Variants in CEP128 observed in about 807,000 individuals in gnomAD.
CEP128 encodes centrosomal protein 128, also known as centrosomal protein 128kDa.
A neutral mutation model predicts 156.7 loss-of-function variants in CEP128; 132 were observed. That is an observed-to-expected ratio of 0.84 (90% CI 0.73 to 0.97). The LOEUF is 0.97. CEP128 is among the 50% of genes least tolerant of loss of function. CEP128 has a pLI of 0.00. For missense variants in CEP128, 1,252 were observed against 1,281.9 expected, an observed-to-expected ratio of 0.98 and a Z score of 0.36; for synonymous variants, 469 against 448.9, an observed-to-expected ratio of 1.04 and a Z score of -0.57.
intron 23 of CEP128, among the ~76,000 whole-genome samples, chr14:80,521,218 T>C (rs190421134): frequency 2.6e-5 from 4 of 152,194 alleles, no homozygotes; most frequent in Admixed American, 2.6e-4. Flanking sequence ...ATAAATTTAA[T>C]TGGTATTTCT....
At position 80,699,768 on chromosome 14, in the gene CEP128, A is replaced by T. The variant is rs137865686; in HGVS notation, c.2806+43307T>A. On this transcript the variant is annotated intron_variant, in intron 19 of 24. Transcript: ENST00000555265. Reference sequence around the variant, plus strand: ...TAGGTGAAGAGAAATTCTGTGATTTATCTGGAAGGTAAACCTTCTTCTACA... The same window carrying T: ...TAGGTGAAGAGAAATTCTGTGATTTTTCTGGAAGGTAAACCTTCTTCTACA... Among the ~76,000 whole-genome samples the T allele has an allele frequency of 2.6e-3, 402 of 152,272 alleles. 2 individuals carry two copies. Among genetic ancestry groups the T allele is most frequent in the African/African-American group, 9.1e-3 (379 of 41,566 alleles).
At chr14:80,831,621 A>T (rs1364032526) in intron 12 of CEP128, among the ~76,000 whole-genome samples, 1 of 151,996 alleles carries the variant, frequency 6.6e-6, no homozygotes, top group Non-Finnish European at 1.5e-5. Context: ...AAAAAAAAAA[A>T]AAAATACAAA....
rs79289551 is a variant in CEP128, at chr14:80,551,819, T to G, written c.2880+7460A>C. ...AATTCAGAACACTTCAACCCCAGTATCCCATATATCAAACACAGCTCTTTG... is the reference window on the plus strand; with the variant it reads ...AATTCAGAACACTTCAACCCCAGTAGCCCATATATCAAACACAGCTCTTTG... On this transcript the variant is annotated intron_variant, in intron 21 of 24. Transcript: ENST00000555265. Among the ~76,000 whole-genome samples, 798 of 152,238 alleles carry G rather than the reference T, an allele frequency of 5.2e-3. 6 individuals are homozygous for G. The highest frequency in any genetic ancestry group is 0.018 in the African/African-American group (763 of 41,550).
intron 20 of CEP128, among the ~76,000 whole-genome samples, chr14:80,574,522 G>C (rs1312646710): frequency 6.6e-6 from 1 of 152,152 alleles, no homozygotes; most frequent in Non-Finnish European, 1.5e-5. Flanking sequence ...TATCTTGCCA[G>C]CTTCCAGGAG....
intron 20 of CEP128, among the ~76,000 whole-genome samples, chr14:80,572,346 G>T (rs1379317049): frequency 6.6e-6 from 1 of 152,162 alleles, no homozygotes; most frequent in African/African-American, 2.4e-5. Context: ...CAATGAAAAT[G>T]TGTTTCAACC....
chr14:80,500,872 A>G (rs1278645897), intron 24 of CEP128, among the ~76,000 whole-genome samples: 1 of 152,122 alleles, frequency 6.6e-6, no homozygotes. Context: ...GCTCATGAAA[A>G]CATAGTAAGG....
At chr14:80,866,342 T>C (rs1336652199) in intron 8 of CEP128, among the ~76,000 whole-genome samples, 1 of 151,968 alleles carries the variant, frequency 6.6e-6, no homozygotes, top group Non-Finnish European at 1.5e-5. Context: ...GCAGACCCAA[T>C]CAACTTGCCC....
intron 21 of CEP128, among the ~76,000 whole-genome samples, chr14:80,553,730 G>A (rs1039951309): frequency 3.3e-5 from 5 of 152,036 alleles, no homozygotes; most frequent in African/African-American, 1.2e-4. Flanking sequence ...CATTTTCTCA[G>A]TAATTGTTGC....
chr14:80,772,930 A>G (rs1197490607), intron 16 of CEP128, among the ~76,000 whole-genome samples: 1 of 152,176 alleles, frequency 6.6e-6, no homozygotes, highest in Non-Finnish European at 1.5e-5. Flanking sequence ...GAAAGACTGA[A>G]AAACTCCTGA....
intron 4 of CEP128, among the ~76,000 whole-genome samples, chr14:80,907,830 AT>A (rs1883978761): frequency 1.3e-5 from 2 of 152,174 alleles, no homozygotes; most frequent in Admixed American, 1.3e-4. Context: ...CTATGACAAA[AT>A]TATCAGAATA....
chr14:80,801,775 G>A (rs1883870566), intron 13 of CEP128, among the ~76,000 whole-genome samples: 1 of 151,770 alleles, frequency 6.6e-6, no homozygotes, highest in Admixed American at 6.6e-5. Flanking sequence ...GGGCACAGTG[G>A]TGGGTGCCTG....
chr14:80,588,997 T>G (rs10135604), intron 19 of CEP128, among the ~76,000 whole-genome samples: 38,477 of 151,938 alleles, frequency 0.25, 5,411 homozygotes, highest in African/African-American at 0.37. Flanking sequence ...GGAATTAAGG[T>G]AGTTAATCAG....
chr14:80,720,145 A>G (rs1771894688), intron 19 of CEP128, among the ~76,000 whole-genome samples: 1 of 152,132 alleles, frequency 6.6e-6, no homozygotes, highest in African/African-American at 2.4e-5. Flanking sequence ...AACTACTGTG[A>G]CACCTGTGAG....
intron 8 of CEP128, chr14:80,894,615 G>T: frequency 4.2e-6 from 2 of 477,632 alleles, no homozygotes; most frequent in Non-Finnish European, 8.4e-6. Context: ...TTGGAAAGAC[G>T]TTGTCTACTT....
chr14:80,622,065 A>G (rs546052988), intron 19 of CEP128, among the ~76,000 whole-genome samples: 3 of 152,260 alleles, frequency 2.0e-5, no homozygotes, highest in African/African-American at 7.2e-5. Flanking sequence ...TGCCTCCTTA[A>G]CTTTTAGAAT....
chr14:80,581,942 T>C (rs2140451036), intron 19 of CEP128, among the ~76,000 whole-genome samples: 1 of 152,338 alleles, frequency 6.6e-6, no homozygotes, highest in East Asian at 1.9e-4. Flanking sequence ...ATTTGGTGAA[T>C]AGAATATAGC....
chr14:80,613,216 C>T (rs1893069910), intron 19 of CEP128, among the ~76,000 whole-genome samples: 1 of 150,644 alleles, frequency 6.6e-6, no homozygotes, highest in African/African-American at 2.4e-5. Context: ...GTTTTGATCT[C>T]ATAGTTATGT....
At chr14:80,734,463 T>G (rs1332666685) in intron 19 of CEP128, among the ~76,000 whole-genome samples, 3 of 151,926 alleles carry the variant, frequency 2.0e-5, no homozygotes, top group Non-Finnish European at 2.9e-5. Context: ...TGATAGTACC[T>G]ACCTAGGAAT....
chr14:80,792,620 C>T, intron 14 of CEP128, 140 bp downstream of exon 14: 1 of 662,980 alleles, frequency 1.5e-6, no homozygotes, highest in South Asian at 2.2e-5. Context: ...TACTTTGAAA[C>T]AGCCAAGACA....
Sources: gnomAD v4.1 joint callset for allele counts (sites outside exome capture counted in the v4.1 genomes callset) on GRCh38, gnomAD v4.1.1 for gene constraint, MANE v1.5 for transcripts, NCBI Gene and HGNC (gene_info 2026-07-23, HGNC 2026-07-21) for gene names.